Variants in NBR1 observed in about 807,000 individuals in gnomAD.
NBR1 encodes the protein next to BRCA1 gene 1 protein.
In NBR1, 59 loss-of-function variants were observed where a neutral mutation model predicts 115.5. The ratio of observed to expected loss-of-function variants is 0.51; its 90% CI spans 0.41 to 0.63. The LOEUF (loss-of-function observed/expected upper bound fraction) is 0.63. Ranked by LOEUF, NBR1 falls within the 30% of genes least tolerant of loss-of-function variation. The pLI is 0.00. For missense variants in NBR1, 1,043 were observed against 1,150.5 expected, an observed-to-expected ratio of 0.91 and a Z score of 1.35; for synonymous variants, 373 against 414.7, an observed-to-expected ratio of 0.90 and a Z score of 1.22.
chr17:43,191,346 T>G (rs746241930), intron 9 of NBR1, 26 bp from the exon 10 acceptor site: 1 of 1,549,282 alleles, frequency 6.5e-7, no homozygotes. Context: ...GACTTTCTTT[T>G]AAGACTTGCT....
intron 16 of NBR1, among the ~76,000 whole-genome samples, chr17:43,197,462 T>C (rs979936031): frequency 2.7e-5 from 4 of 150,732 alleles, no homozygotes; most frequent in African/African-American, 9.7e-5. Context: ...GAGCTTGCAG[T>C]GAGCCAAGAT....
rs766906447 is a variant in NBR1 at position 43,200,245 on chromosome 17, TGGA to T, written c.2118_2120del (p.Glu706del). The T allele has an allele frequency of 2.5e-5, 38 of 1,551,000 alleles. No homozygotes were observed. Among genetic ancestry groups the T allele is most frequent in the South Asian group, 1.5e-4 (13 of 83,996 alleles). ...CATATCGCTGAGGAAGAAGCTGTCA[TGGA>T]GGAGGAGGAGGATGAGGAGGATGAG... On this transcript the variant is annotated inframe_deletion, in exon 17 of 21. Transcript: ENST00000590996.
At chr17:43,177,776 A>G (rs912315490) in intron 2 of NBR1, among the ~76,000 whole-genome samples, 160 bp from the exon 3 acceptor site, 1 of 152,186 alleles carries the variant, frequency 6.6e-6, no homozygotes, top group Non-Finnish European at 1.5e-5. Context: ...TAATTGTATC[A>G]TTAGCAGTTT....
chr17:43,193,298 C>G, intron 11 of NBR1, 45 bp downstream of exon 11: 1 of 1,612,754 alleles, frequency 6.2e-7, no homozygotes, highest in African/African-American at 1.3e-5. Flanking sequence ...TTTGAAGTGG[C>G]AGAGTGCTCA....
At chr17:43,203,403 G>C (rs985334777) in intron 19 of NBR1, among the ~76,000 whole-genome samples, 2 of 152,208 alleles carry the variant, frequency 1.3e-5, no homozygotes, top group South Asian at 4.1e-4. Flanking sequence ...GTGTGTCCTC[G>C]ATCACATTAA....
At chr17:43,203,660 T>C (rs1567867205) in intron 19 of NBR1, 21 bp from the exon 20 acceptor site, 2 of 1,490,834 alleles carry the variant, frequency 1.3e-6, no homozygotes, top group Admixed American at 3.6e-5. Context: ...TTTGGGGAGA[T>C]AATTTGGTTT....
chr17:43,186,460 C>G lies in NBR1; in HGVS notation c.402+16C>G. On this transcript the variant is annotated intron_variant, in intron 6 of 20. Coordinates refer to ENST00000590996, the MANE Select transcript of NBR1 (RefSeq NM_005899.5). The stretch of plus-strand genomic sequence containing the variant: ...TGCAGTGCAGGTATGAAGGGTATGG[C>G]CCAGTCTATCCAATATCGTTTCTTT... 1 of 1,487,152 alleles carries G rather than the reference C, an allele frequency of 6.7e-7. No individual in the cohort carries two copies. The highest frequency in any genetic ancestry group is 1.4e-5 in the South Asian group (1 of 71,220). 92.1% of individuals were successfully genotyped at this position (1,487,152 alleles called of 1,614,324 possible).
Position 43,195,023 on chromosome 17 carries a change from C to T in NBR1, c.1734C>T (p.Pro578=), listed in dbSNP as rs1411170492. 1.9e-6 allele frequency: 3 copies of T among 1,613,380 alleles called. No homozygotes were observed. The highest frequency in any genetic ancestry group is 1.3e-5 in the African/African-American group (1 of 74,984). ...INIVQELERV[P]HNTPVDVTPC... ...TTGTTCAAGAGTTGGAGAGAGTGCC[C>T]CACAACACCCCTGTGGGTAAGAATG... Residue 578 remains proline (P), a synonymous_variant, in exon 14 of 21, where the codon CCC becomes CCT. Transcript: ENST00000590996.
chr17:43,180,275 C>G (rs2056629875), intron 4 of NBR1, among the ~76,000 whole-genome samples: 1 of 152,104 alleles, frequency 6.6e-6, no homozygotes, highest in Non-Finnish European at 1.5e-5. Flanking sequence ...ATGGTATAGC[C>G]TAGTACACAC....
chr17:43,201,724 T>C lies in NBR1; in HGVS notation c.2507T>C (p.Val836Ala). 1.2e-6 allele frequency: 2 copies of C among 1,609,126 alleles called. No homozygotes were observed. Among genetic ancestry groups the C allele is most frequent in the East Asian group, 2.2e-5 (1 of 44,856 alleles). The change falls in exon 18 of 21, where the codon GTG (valine) becomes GCG (alanine). Residue 836 changes from valine to alanine, a missense_variant. Transcript: ENST00000590996. ...GTACATCATCATGGTTCCCCAGGAGTGGATTTACCAGTTACCATACCAGAA... is the reference window on the plus strand; with the variant it reads ...GTACATCATCATGGTTCCCCAGGAGCGGATTTACCAGTTACCATACCAGAA... Reference protein sequence around the residue: ...PCVHHHGSPGVDLPVTIPEVS... With the variant: ...PCVHHHGSPGADLPVTIPEVS...
chr17:43,171,598 G>C (rs2056371355), intron 1 of NBR1, among the ~76,000 whole-genome samples: 1 of 152,204 alleles, frequency 6.6e-6, no homozygotes, highest in Non-Finnish European at 1.5e-5. Context: ...AGCCCTCGGG[G>C]TAGTGACACT....
At chr17:43,195,187 T>C (rs2057038987) in intron 14 of NBR1, 148 bp downstream of exon 14, 3 of 682,024 alleles carry the variant, frequency 4.4e-6, no homozygotes, top group Non-Finnish European at 5.2e-6. Flanking sequence ...GATCCGTTTT[T>C]CTTCTTTCCT....
intron 20 of NBR1, among the ~76,000 whole-genome samples, chr17:43,204,269 G>T (rs973981976): frequency 9.9e-5 from 15 of 151,872 alleles, no homozygotes; most frequent in African/African-American, 1.9e-4. Flanking sequence ...TATGACTTTA[G>T]CCAAGTTACT....
Position 43,193,563 on chromosome 17 carries a change from C to A in NBR1, c.1449C>A (p.Ser483=). ...WCSIIVDPFP[S]EESPDNIEKG... is the part of the protein sequence containing the mutation. ...GTATCATAGTAGATCCTTTCCCCTCCGAAGAGAGCCCTGATAACATTGAAA... is the reference window on the plus strand; with the variant it reads ...GTATCATAGTAGATCCTTTCCCCTCAGAAGAGAGCCCTGATAACATTGAAA... Residue 483 remains serine, a synonymous_variant, in exon 12 of 21, where the codon TCC becomes TCA. Transcript: ENST00000590996. 3 of 1,612,500 alleles carry A rather than the reference C, an allele frequency of 1.9e-6. No individual in the cohort carries two copies. Among genetic ancestry groups the A allele is most frequent in the Non-Finnish European group, 2.5e-6 (3 of 1,179,298 alleles).
chr17:43,177,888 CT>C, intron 2 of NBR1, 47 bp from the exon 3 acceptor site: 1 of 1,345,528 alleles, frequency 7.4e-7, no homozygotes. Context: ...TTTACTTTGA[CT>C]TCTGTGTACA....
In NBR1 at chr17:43,193,057, C is replaced by T. The variant is rs772161621; in HGVS notation, c.1074-37C>T. 5 of 1,604,948 alleles carry T rather than the reference C, an allele frequency of 3.1e-6. No individual in the cohort carries two copies. In the South Asian group the frequency reaches 4.4e-5, roughly 14 times the overall value. On this transcript the variant is annotated intron_variant, in intron 10 of 20. Transcript: ENST00000590996. ...TGAGGTATTCAGAAGCCTTCACACC[C>T]AACAGCAAGTGACTAAGCATCTGAA...
At chr17:43,171,388 G>A (rs1020420934) in intron 1 of NBR1, 86 bp downstream of exon 1, 1 of 152,532 alleles carries the variant, frequency 6.6e-6, no homozygotes, top group Non-Finnish European at 1.5e-5. Flanking sequence ...ATCCTGCAAA[G>A]AAGAGGGGCG....
chr17:43,171,027 A>G (rs898153401), upstream of NBR1: 1 of 152,260 alleles, frequency 6.6e-6, no homozygotes, highest in African/African-American at 2.4e-5. Flanking sequence ...GCGCACTCCT[A>G]GTTCCGCCCC....
intron 6 of NBR1, among the ~76,000 whole-genome samples, chr17:43,187,107 A>G (rs1055172166): frequency 6.6e-6 from 1 of 152,186 alleles, no homozygotes. Flanking sequence ...TGTCTTCAAC[A>G]ATGGTTGAAC....
Sources: gnomAD v4.1 joint callset for allele counts (sites outside exome capture counted in the v4.1 genomes callset) on GRCh38, gnomAD v4.1.1 for gene constraint, MANE v1.5 for transcripts, NCBI Gene and HGNC (gene_info 2026-07-23, HGNC 2026-07-21) for gene names.